ADGRV1: variants seen among roughly 807,000 people sequenced by gnomAD.
The protein encoded by ADGRV1 is adhesion G protein-coupled receptor V1, also known as G-protein coupled receptor 98.
A neutral mutation model predicts 596.2 loss-of-function variants in ADGRV1; 359 were observed. The observed-to-expected ratio is 0.60, with a 90% CI of 0.55 to 0.66. The LOEUF (loss-of-function observed/expected upper bound fraction) is 0.66. Among genes scored for constraint, ADGRV1 ranks in the 30% least tolerant of loss-of-function variants. The pLI is 0.00. For missense variants in ADGRV1, 7,274 were observed against 7,575.6 expected (o/e 0.96, Z 1.48); for synonymous variants, 2,681 against 2,679.2 (o/e 1.00, Z -0.02).
Position 90,750,646 on chromosome 5 carries a change from AGCATGGG to A in ADGRV1, c.11071_11077del (p.Ala3691LysfsTer15), listed in dbSNP as rs1755139464. 1 of 1,612,660 alleles carries A rather than the reference AGCATGGG, an allele frequency of 6.2e-7. No homozygotes were observed. Among genetic ancestry groups the A allele is most frequent in the Non-Finnish European group, 8.5e-7 (1 of 1,178,766 alleles). ...AAGGAACATATGGCCGTATAACCAT[AGCATGGG>A]AAGCTGATGGAAGTATTAGTGATAT... On this transcript the variant is annotated frameshift_variant, in exon 53 of 90. Transcript: ENST00000405460. LOFTEE classifies it high-confidence loss of function.
intron 58 of ADGRV1, 118 bp from the exon 59 acceptor site, chr5:90,763,187 A>G: frequency 3.2e-6 from 3 of 926,454 alleles, no homozygotes; most frequent in Non-Finnish European, 4.5e-6. Context: ...TGATAATTAC[A>G]TGTAACATTC....
chr5:91,055,356 G>A (rs1384595291), intron 85 of ADGRV1, among the ~76,000 whole-genome samples: 1 of 150,908 alleles, frequency 6.6e-6, no homozygotes, highest in Non-Finnish European at 1.5e-5. Flanking sequence ...AGACATTACA[G>A]TGTTACAGCA....
chr5:91,147,589 G>A lies in ADGRV1; in HGVS notation c.18433-2441G>A, dbSNP rs147550197. On this transcript the variant is annotated intron_variant, in intron 87 of 89. Transcript: ENST00000405460. ...CTCTCTCCTGCCTCCCTGTGAAGAG[G>A]TGCCTTCTGCCATAATTGTAAGTTT... Among the ~76,000 whole-genome samples the A allele has an allele frequency of 8.7e-3, 1,320 of 152,198 alleles. 15 individuals carry two copies. The highest frequency in any genetic ancestry group is 0.02 in the Middle Eastern group (6 of 294).
chr5:91,050,396 C>A (rs894084088), intron 85 of ADGRV1, among the ~76,000 whole-genome samples: 1 of 152,148 alleles, frequency 6.6e-6, no homozygotes, highest in Non-Finnish European at 1.5e-5. Context: ...ATTCTCAGCA[C>A]TTCACAATGT....
At chr5:90,907,455 T>C (rs10061193) in intron 83 of ADGRV1, among the ~76,000 whole-genome samples, 14,404 of 152,240 alleles carry the variant, frequency 0.095, 757 homozygotes, top group South Asian at 0.19. Flanking sequence ...CCTAACATAG[T>C]GTATGCTTTA....
intron 70 of ADGRV1, among the ~76,000 whole-genome samples, chr5:90,796,321 C>T (rs1032761874): frequency 1.4e-4 from 21 of 151,726 alleles, no homozygotes; most frequent in Admixed American, 9.2e-4. Context: ...ACAAGAACTT[C>T]GTGAAGCATA....
intron 54 of ADGRV1, among the ~76,000 whole-genome samples, chr5:90,754,528 T>A (rs1755618995): frequency 6.6e-6 from 1 of 152,194 alleles, no homozygotes; most frequent in Non-Finnish European, 1.5e-5. Flanking sequence ...ACTTTGAGCC[T>A]CCTGATAGGC....
intron 43 of ADGRV1, among the ~76,000 whole-genome samples, chr5:90,718,891 A>C (rs958727718): frequency 3.3e-5 from 5 of 152,048 alleles, no homozygotes; most frequent in African/African-American, 1.2e-4. Flanking sequence ...AGCAAATTGG[A>C]TTAAATAAAT....
Position 90,848,647 on chromosome 5 carries a change from A to G in ADGRV1, c.17030A>G (p.Glu5677Gly), listed in dbSNP as rs780396940. The G allele has an allele frequency of 1.3e-6, 2 of 1,502,774 alleles. No individual in the cohort carries two copies. Among genetic ancestry groups the G allele is most frequent in the Admixed American group, 2.5e-5 (1 of 39,292 alleles). The allele number at this position is 1,502,774 out of a possible 1,614,324, so 93.1% of individuals were successfully genotyped here. A position where few individuals can be genotyped will look rare whatever the true frequency, so the allele number is the denominator to read the frequency against. The change falls in exon 79 of 90, where the codon GAA becomes GGA. Residue 5677 changes from glutamate to glycine, a missense_variant. By Grantham distance (98) the Glu-to-Gly change is moderately conservative (BLOSUM62 -2). This residue lies in a region of ADGRV1 where 1,874 missense variants were observed against 1,970.2 expected (regional missense o/e 0.95). Coordinates refer to ENST00000405460, the MANE Select transcript of ADGRV1 (RefSeq NM_032119.4). ...AGATTCTTTTTCCAGATAACTACTG[A>G]AGGAAAAATTCAAGCTTTCAGTGTT... ...MMHLIEKITT[E>G]GKIQAFSVAS...
rs137983056 is a variant in ADGRV1, at chr5:90,623,708, T to C, written c.558+1007T>C. 5.7e-3 allele frequency among the ~76,000 whole-genome samples: 869 copies of C among 152,250 alleles called. 3 individuals are homozygous for C. Among genetic ancestry groups the C allele is most frequent in the Non-Finnish European group, 9.4e-3 (641 of 67,988 alleles). ...GATTACAGTCATGACCCACCATGCC[T>C]TCCCCCTGCCCCCCATTTTTTTCAG... On this transcript the variant is annotated intron_variant, in intron 5 of 89. Transcript: ENST00000405460.
intron 53 of ADGRV1, 47 bp from the exon 54 acceptor site, chr5:90,753,527 A>G (rs762472711): frequency 7.2e-7 from 1 of 1,385,030 alleles, no homozygotes; most frequent in Non-Finnish European, 1.0e-6. Context: ...CTTACTACAT[A>G]GTGACAATTA....
rs200204560 is a variant in ADGRV1 at position 90,712,364 on chromosome 5, T to G, written c.9120T>G (p.Asp3040Glu). The G allele has an allele frequency of 7.3e-5, 116 of 1,578,606 alleles. No homozygotes were observed. Among genetic ancestry groups the G allele is most frequent in the Non-Finnish European group, 9.3e-5 (108 of 1,157,720 alleles). The change falls in exon 42 of 90, where the codon GAT (aspartate) becomes GAG (glutamate). Residue 3040 changes from aspartate (D) to glutamate (E), a missense_variant. Physicochemically the swap from Asp to Glu is conservative, Grantham distance 45 (BLOSUM62 2). This residue lies in a region of ADGRV1 where 3,643 missense variants were observed against 3,809.2 expected (regional missense o/e 0.96). Transcript: ENST00000405460. ...MILDDDIPEG[D>E]EKFQLILTNP... is the part of the protein sequence containing the mutation. Reference sequence around the variant, plus strand: ...TTGATGATGACATTCCAGAAGGAGATGAAAAATTTCAGCTGATTTTAACAA... The same window carrying G: ...TTGATGATGACATTCCAGAAGGAGAGGAAAAATTTCAGCTGATTTTAACAA...
chr5:91,047,556 T>C (rs1464992725), intron 85 of ADGRV1, among the ~76,000 whole-genome samples: 4 of 152,208 alleles, frequency 2.6e-5, no homozygotes, highest in African/African-American at 9.6e-5. Flanking sequence ...TTATTCTGGC[T>C]ATGCTGGCAG....
At chr5:91,115,789 A>G (rs1446538292) in intron 87 of ADGRV1, among the ~76,000 whole-genome samples, 2 of 152,184 alleles carry the variant, frequency 1.3e-5, no homozygotes. Flanking sequence ...GCTACTAAAA[A>G]TACAAAAATT....
Position 90,823,554 on chromosome 5 carries a change from T to C in ADGRV1, c.16326T>C (p.Gly5442=), listed in dbSNP as rs1472552867. The C allele has an allele frequency of 5.6e-6, 9 of 1,613,878 alleles. No homozygotes were observed. Among genetic ancestry groups the C allele is most frequent in the Non-Finnish European group, 7.6e-6 (9 of 1,179,828 alleles). Residue 5442 remains glycine, a synonymous_variant, in exon 76 of 90, where the codon GGT becomes GGC. Coordinates refer to ENST00000405460, the MANE Select transcript of ADGRV1 (RefSeq NM_032119.4). ...CAGGGACCACAACCTGTACAATGGG[T>C]CAAACAAAATGCTTTATCAGCATTG... ...SVSGTTTCTM[G]QTKCFISIEL...
Position 90,681,358 on chromosome 5 carries a change from C to G in ADGRV1, c.5568C>G (p.Ala1856=). The G allele has an allele frequency of 6.2e-7, 1 of 1,613,866 alleles. No individual in the cohort carries two copies. Among genetic ancestry groups the G allele is most frequent in the South Asian group, 1.1e-5 (1 of 91,076 alleles). The change falls in exon 27 of 90, where the codon GCC becomes GCG. Residue 1856 remains alanine (A), a synonymous_variant. Transcript: ENST00000405460. ...VASQILVTIA[A]SDHAHGVFEF... ...CCCAAATTCTAGTGACAATTGCAGC[C>G]TCTGACCACGCTCATGGCGTATTTG... is the stretch of plus-strand genomic sequence containing the variant.
rs1430276723 is a variant in ADGRV1, at chr5:90,763,410, A to G, written c.12226A>G (p.Ile4076Val). The G allele has an allele frequency of 6.2e-7, 1 of 1,613,808 alleles. No individual in the cohort carries two copies. Among genetic ancestry groups the G allele is most frequent in the Admixed American group, 1.7e-5 (1 of 60,030 alleles). The change falls in exon 59 of 90, where the codon ATA (isoleucine) becomes GTA (valine). Residue 4076 changes from isoleucine (I) to valine (V), a missense_variant. Around this residue, in one of 5 missense-constraint regions of ADGRV1, gnomAD observed 3,643 missense variants for 3,809.2 expected, o/e 0.96. Transcript: ENST00000405460. ...AGGAACCGTCCGACTTGAGTGGACC[A>G]TAGATGAGAAGGCTAAACATAACCT... ...GKGTVRLEWTIDEKAKHNLSP... is the reference protein window; with the variant it reads ...GKGTVRLEWTVDEKAKHNLSP...
At chr5:90,688,291 G>A (rs1012500619) in intron 29 of ADGRV1, among the ~76,000 whole-genome samples, 1 of 152,156 alleles carries the variant, frequency 6.6e-6, no homozygotes, top group African/African-American at 2.4e-5. Flanking sequence ...AACAGCAATG[G>A]GGAAAGGATT....
chr5:90,819,902 G>T (rs1256030201), intron 75 of ADGRV1, among the ~76,000 whole-genome samples: 3 of 151,974 alleles, frequency 2.0e-5, no homozygotes, highest in Non-Finnish European at 4.4e-5. Flanking sequence ...GTTGATTTGG[G>T]GTGGAGAGTT....
Sources: allele counts gnomAD v4.1 joint callset (sites outside exome capture counted in the v4.1 genomes callset), GRCh38; gene constraint gnomAD v4.1.1; regional missense constraint gnomAD v4.1.1; transcripts MANE v1.5; gene names NCBI Gene and HGNC (gene_info 2026-07-23, HGNC 2026-07-21).